The following PARL variants were observed in gnomAD, a reference collection of about 807,000 sequenced individuals.
PARL encodes presenilin associated rhomboid like, also known as presenilin-associated rhomboid-like protein, mitochondrial.
PARL carries 44 observed loss-of-function variants against 51.6 expected under a neutral mutation model. The observed-to-expected ratio is 0.85, with a 90% confidence interval of 0.67 to 1.10. The LOEUF (loss-of-function observed/expected upper bound fraction) is 1.10, where lower values mean the gene tolerates loss of function less well. Among genes scored for constraint, PARL ranks in the 50% least tolerant of loss-of-function variants. The pLI is 0.00. For synonymous variants in PARL, 172 were observed against 164.0 expected, an observed-to-expected ratio of 1.05 and a Z score of -0.37; for missense variants, 441 against 469.5, an observed-to-expected ratio of 0.94 and a Z score of 0.56.
intron 7 of PARL, among the ~76,000 whole-genome samples, chr3:183,836,295 A>G (rs551184684): frequency 6.6e-5 from 10 of 150,808 alleles, no homozygotes; most frequent in Admixed American, 6.0e-4. Flanking sequence ...ATTATTCTCC[A>G]TCTGTTAAAA....
chr3:183,841,890 A>G (rs942159053), intron 6 of PARL, among the ~76,000 whole-genome samples: 1 of 152,160 alleles, frequency 6.6e-6, no homozygotes, highest in Admixed American at 6.5e-5. Context: ...GGGGGAAATG[A>G]GCTTGCTTAA....
chr3:183,842,232 T>C (rs559004154), intron 6 of PARL, 66 bp downstream of exon 6: 120 of 1,446,656 alleles, frequency 8.3e-5, no homozygotes, highest in Non-Finnish European at 1.1e-4. Flanking sequence ...ATCATTCCCT[T>C]TGTCCGTTCT....
chr3:183,875,621 T>C (rs1004796987), intron 1 of PARL, among the ~76,000 whole-genome samples: 3 of 151,980 alleles, frequency 2.0e-5, no homozygotes, highest in African/African-American at 7.3e-5. Context: ...CTAGCAGAGG[T>C]TGGTTCATGA....
chr3:183,884,608 G>A (rs779674772), intron 1 of PARL, 114 bp downstream of exon 1: 1 of 1,050,002 alleles, frequency 9.5e-7, no homozygotes, highest in Non-Finnish European at 1.4e-6. Context: ...CAGGTAAGGT[G>A]AAGGGGGTGA....
chr3:183,872,000 ATTT>A (rs11364933), intron 1 of PARL, among the ~76,000 whole-genome samples: 6,424 of 122,578 alleles, frequency 0.052, 125 homozygotes, highest in Middle Eastern at 0.094. Flanking sequence ...CCTAGAATGC[ATTT>A]TTTTTTTTTT....
rs760459301 is a variant in PARL, at chr3:183,833,488, T to C, written c.1028+4A>G. On this transcript the variant is annotated splice_donor_region_variant and intron_variant, in intron 9 of 9. Coordinates refer to ENST00000317096, the MANE Select transcript of PARL (RefSeq NM_018622.7). ...GTTTAGCAATCAATTACACTCAAAC[T>C]TACATTCCAAAAAGAGCTCCCCCAA... is the stretch of plus-strand genomic sequence containing the variant. The C allele has an allele frequency of 1.3e-5, 21 of 1,588,528 alleles. No individual in the cohort carries two copies. The highest frequency in any genetic ancestry group is 1.7e-4 in the Middle Eastern group (1 of 5,906).
At chr3:183,835,378 AATT>A (rs1352441496) in intron 7 of PARL, among the ~76,000 whole-genome samples, 1 of 152,188 alleles carries the variant, frequency 6.6e-6, no homozygotes, top group African/African-American at 2.4e-5. Context: ...CTTTAAAGAA[AATT>A]ATTATGAGTC....
Position 183,840,584 on chromosome 3 carries a change from G to A in PARL, c.814C>T (p.Pro272Ser), listed in dbSNP as rs764549274. Residue 272 changes from proline (P) to serine (S), a missense_variant, in exon 7 of 10, where the codon CCA (proline) becomes TCA (serine). Physicochemically the swap from Pro to Ser is moderately conservative, Grantham distance 74. Coordinates refer to ENST00000317096, the MANE Select transcript of PARL (RefSeq NM_018622.7). ...VGKVATGRYG[P>S]SLGASGAIMT... ...GAAATACTTACTGCACCAAGTGATG[G>A]TCCATATCTTCCTGTGGCAACTTTA... 5 of 1,518,800 alleles carry A rather than the reference G, an allele frequency of 3.3e-6. No homozygotes were observed. Among genetic ancestry groups the A allele is most frequent in the Admixed American group, 1.7e-5 (1 of 57,810 alleles). 94.1% of individuals were successfully genotyped at this position (1,518,800 alleles called of 1,614,324 possible). A position where few individuals can be genotyped will look rare whatever the true frequency, so the allele number is the denominator to read the frequency against.
intron 9 of PARL, among the ~76,000 whole-genome samples, chr3:183,833,023 T>C (rs142021858): frequency 5.1e-4 from 77 of 152,206 alleles, no homozygotes; most frequent in Non-Finnish European, 9.1e-4. Context: ...TGGTCCACAT[T>C]GGTTTGCAGT....
Position 183,880,862 on chromosome 3 carries a change from C to T in PARL, c.125+3860G>A, listed in dbSNP as rs557935809. ...ACAGGGTTGCACTCTCTCACTCAGG[C>T]TGGAGGACAGTGGCGCCCTCATAGC... is the stretch of plus-strand genomic sequence containing the variant. On this transcript the variant is annotated intron_variant, in intron 1 of 9. Transcript: ENST00000317096. Among the ~76,000 whole-genome samples, 5 of 152,278 alleles carry T rather than the reference C, an allele frequency of 3.3e-5. No individual in the cohort carries two copies. The South Asian group carries it at 1.0e-3, about 32-fold the overall frequency.
chr3:183,833,456 G>C, intron 9 of PARL, 36 bp downstream of exon 9: 1 of 1,284,572 alleles, frequency 7.8e-7, no homozygotes, highest in South Asian at 1.2e-5. Flanking sequence ...CATGACCCAA[G>C]GAAGCAGTTT....
At chr3:183,868,141 T>C (rs1732756879) in intron 1 of PARL, 81 bp from the exon 2 acceptor site, 3 of 960,584 alleles carry the variant, frequency 3.1e-6, no homozygotes, top group Non-Finnish European at 5.0e-6. Flanking sequence ...TTGGCCTGCA[T>C]CATCACCATC....
chr3:183,881,777 G>A (rs1005919334), intron 1 of PARL, among the ~76,000 whole-genome samples: 2 of 152,076 alleles, frequency 1.3e-5, no homozygotes, highest in Middle Eastern at 3.2e-3. Flanking sequence ...AAGATACTGG[G>A]CGGGAGGATG....
intron 3 of PARL, 137 bp downstream of exon 3, chr3:183,866,484 TGATA>T (rs985109198): frequency 2.4e-5 from 17 of 722,972 alleles, no homozygotes; most frequent in Middle Eastern, 7.5e-4. Context: ...ATGTTTAAGG[TGATA>T]GATATTCAGT....
rs1004335993 is a variant in PARL at position 183,844,576 on chromosome 3, C to A, written c.512-250G>T. On this transcript the variant is annotated intron_variant, in intron 4 of 9. Coordinates refer to ENST00000317096, the MANE Select transcript of PARL (RefSeq NM_018622.7). ...GGGAGCTAACTTCCTTTCCCTAGAT[C>A]CATATTTTACTTCTTTAGAAGAGCT... is the stretch of plus-strand genomic sequence containing the variant. The A allele has an allele frequency of 6.7e-6, 3 of 448,588 alleles. No individual in the cohort carries two copies. The East Asian group carries it at 1.2e-4, about 19-fold the overall frequency. The allele number at this position is 448,588 out of a possible 1,614,324, so 27.8% of individuals were successfully genotyped here.
At chr3:183,883,663 T>C (rs987942814) in intron 1 of PARL, 1 of 985,228 alleles carries the variant, frequency 1.0e-6, no homozygotes, top group Non-Finnish European at 1.2e-6. Flanking sequence ...CCCAGGAGTT[T>C]AAGATTAGTG....
chr3:183,877,576 G>A (rs1476498035), intron 1 of PARL, among the ~76,000 whole-genome samples: 1 of 152,016 alleles, frequency 6.6e-6, no homozygotes. Flanking sequence ...ACTTCATGTT[G>A]TCTTATTTTA....
At chr3:183,874,390 C>T (rs1733554329) in intron 1 of PARL, among the ~76,000 whole-genome samples, 1 of 150,152 alleles carries the variant, frequency 6.7e-6, no homozygotes, top group Non-Finnish European at 1.5e-5. Context: ...ATGTCTCTGG[C>T]TTGAAATCAT....
chr3:183,865,236 A>T (rs1732328746), intron 3 of PARL, among the ~76,000 whole-genome samples: 1 of 152,062 alleles, frequency 6.6e-6, no homozygotes, highest in Non-Finnish European at 1.5e-5. Context: ...CAAACCCAGG[A>T]GTTTGAGGCT....
Sources: allele counts gnomAD v4.1 joint callset (sites outside exome capture counted in the v4.1 genomes callset), GRCh38; gene constraint gnomAD v4.1.1; transcripts MANE v1.5; gene names NCBI Gene and HGNC (gene_info 2026-07-23, HGNC 2026-07-21).